TMEM208: variants seen among roughly 807,000 people sequenced by gnomAD.
TMEM208 encodes the protein SRP-independent targeting 2 homolog.
In TMEM208, 19 loss-of-function variants were observed where a neutral mutation model predicts 26.4. The observed-to-expected ratio is 0.72, with a 90% CI of 0.50 to 1.06. The LOEUF (loss-of-function observed/expected upper bound fraction) is 1.06. TMEM208 is among the 50% of genes least tolerant of loss of function. The pLI is 0.00. For missense variants in TMEM208, 183 were observed against 219.8 expected (o/e 0.83, Z 1.06); for synonymous variants, 93 against 83.1 (o/e 1.12, Z -0.65).
chr16:67,228,931 CTT>C, intron 5 of TMEM208, 43 bp from the exon 6 acceptor site: 2 of 1,611,700 alleles, frequency 1.2e-6, no homozygotes, highest in Non-Finnish European at 1.7e-6. Flanking sequence ...CCCTCCCCAT[CTT>C]TTATTCCCTG....
At chr16:67,228,174 G>C (rs963987043) in intron 2 of TMEM208, 181 bp from the exon 3 acceptor site, 6 of 714,760 alleles carry the variant, frequency 8.4e-6, no homozygotes, top group African/African-American at 1.8e-5. Context: ...TCTTTCCTGG[G>C]CTGAGTTGGG....
intron 2 of TMEM208, 58 bp downstream of exon 2, chr16:67,227,989 C>T: frequency 1.4e-6 from 2 of 1,405,262 alleles, no homozygotes; most frequent in East Asian, 2.4e-5. Flanking sequence ...TAGTCCTCAG[C>T]CCTGCTTGGT....
intron 1 of TMEM208, 29 bp from the exon 2 acceptor site, chr16:67,227,807 C>G: frequency 1.9e-6 from 3 of 1,564,800 alleles, no homozygotes; most frequent in Non-Finnish European, 2.6e-6. Context: ...ACCGTGGCCT[C>G]CTGACGGCAT....
chr16:67,227,175 G>A lies in TMEM208; in HGVS notation c.-44G>A, dbSNP rs371671311. 1 of 1,609,554 alleles carries A rather than the reference G, an allele frequency of 6.2e-7. No homozygotes were observed. Among genetic ancestry groups the A allele is most frequent in the Non-Finnish European group, 8.5e-7 (1 of 1,177,040 alleles). On this transcript the variant is annotated 5_prime_UTR_variant, in exon 1 of 6. Coordinates refer to ENST00000304800, the MANE Select transcript of TMEM208 (RefSeq NM_014187.4). ...TGTGGTGCTTAGTGATTGCGGTTTC[G>A]GTCGCTCTCCCGTGTTTCCCGGGCT...
intron 1 of TMEM208, 194 bp from the exon 2 acceptor site, chr16:67,227,642 G>A (rs2034072212): frequency 1.7e-6 from 1 of 584,738 alleles, no homozygotes; most frequent in Non-Finnish European, 3.0e-6. Flanking sequence ...GATCCTAGCT[G>A]CGGGTGCTGG....
In TMEM208 at chr16:67,227,149, A is replaced by T. The variant is rs1216982480; in HGVS notation, c.-70A>T. On this transcript the variant is annotated 5_prime_UTR_variant, in exon 1 of 6. An upstream start codon of the reference 5' UTR is lost. Coordinates refer to ENST00000304800, the MANE Select transcript of TMEM208 (RefSeq NM_014187.4). Reference sequence around the variant, plus strand: ...TGCGCCGGAAGTGCATGAGCTGCCGATGTGGTGCTTAGTGATTGCGGTTTC... The same window carrying T: ...TGCGCCGGAAGTGCATGAGCTGCCGTTGTGGTGCTTAGTGATTGCGGTTTC... 10 of 1,601,514 alleles carry T rather than the reference A, an allele frequency of 6.2e-6. No homozygotes were observed. The South Asian group carries it at 6.7e-5, about 11-fold the overall frequency.
chr16:67,227,528 G>C (rs994998846), intron 1 of TMEM208: 9 of 561,984 alleles, frequency 1.6e-5, no homozygotes, highest in Non-Finnish European at 2.2e-5. Flanking sequence ...ACTCCGCTCA[G>C]GAGTACCCTT....
chr16:67,229,024 T>G lies in TMEM208; in HGVS notation c.433T>G (p.Trp145Gly), dbSNP rs748723849. Residue 145 changes from tryptophan to glycine, a missense_variant, in exon 6 of 6, where the codon TGG (tryptophan) becomes GGG (glycine). Coordinates refer to ENST00000304800, the MANE Select transcript of TMEM208 (RefSeq NM_014187.4). ...YLLWVNVLGP[W>G]FTADSGTPAP... ...CCTGTGGGTGAATGTGCTGGGCCCC[T>G]GGTTCACTGCAGACAGTGGCACCCC... 3 of 1,612,606 alleles carry G rather than the reference T, an allele frequency of 1.9e-6. No homozygotes were observed. In the South Asian group the frequency reaches 3.3e-5, roughly 18 times the overall value.
chr16:67,228,900 C>T lies in TMEM208; in HGVS notation c.384+19C>T. On this transcript the variant is annotated intron_variant, in intron 5 of 5. Transcript: ENST00000304800. ...GCTTCTGGTATGTGGGCTGGGGGCG[C>T]TCCCAAGAAGGGGCATCTAACCCTC... 2.5e-6 allele frequency: 4 copies of T among 1,613,548 alleles called. No individual in the cohort carries two copies. Among genetic ancestry groups the T allele is most frequent in the South Asian group, 1.1e-5 (1 of 91,082 alleles).
intron 4 of TMEM208, 56 bp from the exon 5 acceptor site, chr16:67,228,741 T>A (rs1008042699): frequency 1.9e-6 from 3 of 1,569,934 alleles, no homozygotes; most frequent in Admixed American, 1.9e-5. Flanking sequence ...GAGTTGCAAC[T>A]TGAAAAGGGT....
At chr16:67,228,453 G>C (rs1465562510) in intron 3 of TMEM208, 39 bp downstream of exon 3, 1 of 1,613,978 alleles carries the variant, frequency 6.2e-7, no homozygotes, top group East Asian at 2.2e-5. Context: ...GAGTGCGTAG[G>C]GTCAGTGGCT....
Position 67,228,599 on chromosome 16 carries a change from C to T in TMEM208, c.267C>T (p.Gly89=), listed in dbSNP as rs1482647893. 1.9e-6 allele frequency: 3 copies of T among 1,597,028 alleles called. No homozygotes were observed. In the East Asian group the frequency reaches 6.7e-5, roughly 36 times the overall value. ...AGGATGGGGCCCTGATGGATGGTGG[C>T]ATGGACCTCAACATGGAGCAGGGCA... is the stretch of plus-strand genomic sequence containing the variant. ...FSEDGALMDG[G]MDLNMEQGMA... is the part of the protein sequence containing the mutation. The change falls in exon 4 of 6, where the codon GGC becomes GGT. Residue 89 remains glycine, a synonymous_variant. Transcript: ENST00000304800.
chr16:67,228,253 T>G, intron 2 of TMEM208, 102 bp from the exon 3 acceptor site: 1 of 1,337,512 alleles, frequency 7.5e-7, no homozygotes, highest in Non-Finnish European at 1.1e-6. Context: ...AAGAACAACC[T>G]TGCTCCTCCC....
intron 2 of TMEM208, 46 bp downstream of exon 2, chr16:67,227,977 C>T (rs1247641566): frequency 6.7e-7 from 1 of 1,483,420 alleles, no homozygotes; most frequent in Non-Finnish European, 9.2e-7. Context: ...TAGTCAGTTC[C>T]CTAGTCCTCA....
chr16:67,228,731 G>A, intron 4 of TMEM208, 66 bp from the exon 5 acceptor site: 1 of 1,564,290 alleles, frequency 6.4e-7, no homozygotes, highest in Admixed American at 1.9e-5. Context: ...GGGTGGAAGG[G>A]AGTTGCAACT....
In TMEM208 at chr16:67,229,067, A is replaced by G. The variant is rs1335003881; in HGVS notation, c.476A>G (p.Glu159Gly). The G allele has an allele frequency of 6.2e-7, 1 of 1,613,022 alleles. No individual in the cohort carries two copies. The highest frequency in any genetic ancestry group is 2.2e-5 in the East Asian group (1 of 44,864). ...DSGTPAPEHN[E>G]KRQRRQERRQ... ...GGCACCCCAGCACCAGAGCACAATG[A>G]GAAACGGCAGCGCCGACAGGAGCGG... Residue 159 changes from glutamate to glycine, a missense_variant, in exon 6 of 6, where the codon GAG becomes GGG. Physicochemically the swap from Glu to Gly is moderately conservative, Grantham distance 98 (BLOSUM62 -2). Coordinates refer to ENST00000304800, the MANE Select transcript of TMEM208 (RefSeq NM_014187.4).
rs1031672849 is a variant in TMEM208 at position 67,229,195 on chromosome 16, G to T, written c.*82G>T. Reference sequence around the variant, plus strand: ...GCCCCTCATGCCTGGAGCAATGAGGGTCTAGTCCAGGGGCCAAAAGCAGTC... The same window carrying T: ...GCCCCTCATGCCTGGAGCAATGAGGTTCTAGTCCAGGGGCCAAAAGCAGTC... On this transcript the variant is annotated 3_prime_UTR_variant, in exon 6 of 6. Coordinates refer to ENST00000304800, the MANE Select transcript of TMEM208 (RefSeq NM_014187.4). 5.3e-5 allele frequency: 76 copies of T among 1,438,594 alleles called. No homozygotes were observed. Among genetic ancestry groups the T allele is most frequent in the Non-Finnish European group, 6.8e-5 (73 of 1,069,020 alleles). The allele number at this position is 1,438,594 out of a possible 1,614,324, so 89.1% of individuals were successfully genotyped here. A position where few individuals can be genotyped will look rare whatever the true frequency, so the allele number is the denominator to read the frequency against.
Position 67,228,608 on chromosome 16 carries a change from CA to C in TMEM208, c.278del (p.Asn93ThrfsTer13). The part of the protein sequence containing the change: ...GALMDGGMDL[N>X]MEQGMAEHLK... Reference sequence around the variant, plus strand: ...CCCTGATGGATGGTGGCATGGACCTCAACATGGAGCAGGGCATGGCAGAGTG... The same window carrying C: ...CCCTGATGGATGGTGGCATGGACCTCACATGGAGCAGGGCATGGCAGAGTG... On this transcript the variant is annotated frameshift_variant, in exon 4 of 6. Coordinates refer to ENST00000304800, the MANE Select transcript of TMEM208 (RefSeq NM_014187.4). LOFTEE classifies it high-confidence loss of function. 6.3e-7 allele frequency: 1 copy of C among 1,590,398 alleles called. No individual in the cohort carries two copies. The highest frequency in any genetic ancestry group is 8.6e-7 in the Non-Finnish European group (1 of 1,166,678).
Position 67,229,014 on chromosome 16 carries a change from G to A in TMEM208, c.423G>A (p.Val141=). The change falls in exon 6 of 6, where the codon GTG becomes GTA. Residue 141 remains valine (V), a synonymous_variant. Coordinates refer to ENST00000304800, the MANE Select transcript of TMEM208 (RefSeq NM_014187.4). ...GRALYLLWVN[V]LGPWFTADSG... ...CCCTTTACCTCCTGTGGGTGAATGT[G>A]CTGGGCCCCTGGTTCACTGCAGACA... The A allele has an allele frequency of 8.1e-6, 13 of 1,611,340 alleles. No homozygotes were observed. Among genetic ancestry groups the A allele is most frequent in the Non-Finnish European group, 1.1e-5 (13 of 1,177,902 alleles).
Sources: allele counts gnomAD v4.1 joint callset, GRCh38; gene constraint gnomAD v4.1.1; transcripts MANE v1.5; gene names NCBI Gene and HGNC (gene_info 2026-07-23, HGNC 2026-07-21).